Variants in B3GALT1 observed in about 807,000 individuals in gnomAD.
The protein encoded by B3GALT1 is UDP-Gal:betaGlcNAc beta 1,3-galactosyltransferase, polypeptide 1.
In B3GALT1, 10 loss-of-function variants were observed where a neutral mutation model predicts 23.2. The observed-to-expected ratio is 0.43, with a 90% CI of 0.27 to 0.73. The LOEUF is 0.73. B3GALT1 is among the 30% of genes least tolerant of loss of function. The pLI is 0.21. For missense variants in B3GALT1, 299 were observed against 405.4 expected, an observed-to-expected ratio of 0.74 and a Z score of 2.25; for synonymous variants, 156 against 141.5, an observed-to-expected ratio of 1.10 and a Z score of -0.73.
chr2:167,700,340 T>C (rs1285357606), intron 3 of B3GALT1, among the ~76,000 whole-genome samples: 3 of 152,244 alleles, frequency 2.0e-5, no homozygotes, highest in Non-Finnish European at 4.4e-5. Flanking sequence ...TTACCTTTTC[T>C]TGATCTGTTA....
At chr2:167,636,823 T>C (rs576061839) in intron 2 of B3GALT1, among the ~76,000 whole-genome samples, 1 of 151,782 alleles carries the variant, frequency 6.6e-6, no homozygotes, top group African/African-American at 2.4e-5. Flanking sequence ...CATCACACAC[T>C]GGGGCCTGTC....
chr2:167,339,969 A>G (rs983455695), intron 1 of B3GALT1, among the ~76,000 whole-genome samples: 1 of 152,180 alleles, frequency 6.6e-6, no homozygotes, highest in African/African-American at 2.4e-5. Flanking sequence ...GGCTGGAGAA[A>G]CAAAAATGGA....
intron 4 of B3GALT1, among the ~76,000 whole-genome samples, chr2:167,848,061 A>C (rs1351360390): frequency 6.6e-6 from 1 of 152,242 alleles, no homozygotes; most frequent in Non-Finnish European, 1.5e-5. Context: ...TACCCTGAAC[A>C]GAACAATAAC....
intron 1 of B3GALT1, among the ~76,000 whole-genome samples, chr2:167,445,337 T>G (rs1264620577): frequency 6.6e-6 from 1 of 152,254 alleles, no homozygotes; most frequent in Non-Finnish European, 1.5e-5. Context: ...GGTATGTATA[T>G]TCTGTTGATT....
chr2:167,440,086 G>A (rs532192211), intron 1 of B3GALT1, among the ~76,000 whole-genome samples: 3 of 152,144 alleles, frequency 2.0e-5, no homozygotes, highest in African/African-American at 7.2e-5. Flanking sequence ...GCTCACACCT[G>A]TAATCCCAGC....
intron 3 of B3GALT1, among the ~76,000 whole-genome samples, chr2:167,663,958 T>G (rs1240280130): frequency 6.6e-6 from 1 of 151,418 alleles, no homozygotes. Flanking sequence ...AGAAGCTCTT[T>G]AGTTTAATGA....
intron 1 of B3GALT1, among the ~76,000 whole-genome samples, chr2:167,373,522 C>T (rs926332132): frequency 6.6e-6 from 1 of 151,920 alleles, no homozygotes; most frequent in African/African-American, 2.4e-5. Context: ...TAAAGAATTC[C>T]TGTAAATTTC....
At chr2:167,669,070 CTT>C (rs541408103) in intron 3 of B3GALT1, among the ~76,000 whole-genome samples, 55 of 152,260 alleles carry the variant, frequency 3.6e-4, no homozygotes, top group African/African-American at 1.3e-3. Flanking sequence ...TTATCTTTCT[CTT>C]ATTTTTTCCG....
intron 3 of B3GALT1, among the ~76,000 whole-genome samples, chr2:167,664,683 T>G (rs189364708): frequency 4.9e-4 from 75 of 152,346 alleles, no homozygotes; most frequent in African/African-American, 1.7e-3. Flanking sequence ...TTCACATCCC[T>G]TGTAAGTTGG....
chr2:167,309,604 CAT>C (rs1181350261), intron 1 of B3GALT1, among the ~76,000 whole-genome samples: 1 of 152,006 alleles, frequency 6.6e-6, no homozygotes. Flanking sequence ...TGATTTAAAA[CAT>C]ATAGCATCTG....
intron 2 of B3GALT1, among the ~76,000 whole-genome samples, chr2:167,609,480 T>A (rs181793408): frequency 7.9e-5 from 12 of 152,182 alleles, no homozygotes; most frequent in Admixed American, 6.5e-4. Flanking sequence ...GTTCTACAAT[T>A]TTTCTCTCTT....
At chr2:167,441,549 C>T (rs184010165) in intron 1 of B3GALT1, among the ~76,000 whole-genome samples, 2 of 152,246 alleles carry the variant, frequency 1.3e-5, no homozygotes, top group East Asian at 1.9e-4. Flanking sequence ...ACATGATACT[C>T]GTGTTATCTT....
intron 4 of B3GALT1, among the ~76,000 whole-genome samples, chr2:167,858,293 C>G (rs1427130962): frequency 6.8e-6 from 1 of 146,412 alleles, no homozygotes; most frequent in Admixed American, 6.9e-5. Flanking sequence ...CTTATGAAAA[C>G]GGTCAACTGG....
chr2:167,588,034 G>A (rs1333044236), intron 2 of B3GALT1, among the ~76,000 whole-genome samples: 1 of 152,134 alleles, frequency 6.6e-6, no homozygotes, highest in Non-Finnish European at 1.5e-5. Flanking sequence ...AAATTGACTG[G>A]CACTGATGAA....
chr2:167,368,118 C>T (rs1307298905), intron 1 of B3GALT1, among the ~76,000 whole-genome samples: 7 of 152,146 alleles, frequency 4.6e-5, no homozygotes, highest in Admixed American at 3.9e-4. Context: ...ACACCTTCAT[C>T]TCAAGTAATC....
chr2:167,856,653 C>T (rs1170811157), intron 4 of B3GALT1, among the ~76,000 whole-genome samples: 2 of 152,146 alleles, frequency 1.3e-5, no homozygotes, highest in East Asian at 3.9e-4. Context: ...ACCAGGAAAG[C>T]TTGGACTGGG....
intron 1 of B3GALT1, among the ~76,000 whole-genome samples, chr2:167,400,218 A>C (rs1295399400): frequency 1.5e-5 from 2 of 130,616 alleles, no homozygotes; most frequent in Non-Finnish European, 3.5e-5. Context: ...GTGTGTTAGA[A>C]CAGGCCTTTC....
At chr2:167,548,471 C>T (rs2105378606) in intron 2 of B3GALT1, among the ~76,000 whole-genome samples, 1 of 152,266 alleles carries the variant, frequency 6.6e-6, no homozygotes, top group East Asian at 1.9e-4. Flanking sequence ...CTTGCCATTT[C>T]TAGGATGTCT....
chr2:167,693,750 T>A (rs977390311), intron 3 of B3GALT1, among the ~76,000 whole-genome samples: 2 of 152,132 alleles, frequency 1.3e-5, no homozygotes, highest in Non-Finnish European at 2.9e-5. Context: ...CTACTTGAAA[T>A]GGTCTCTTCC....
Sources: gnomAD v4.1 joint callset for allele counts (sites outside exome capture counted in the v4.1 genomes callset) on GRCh38, gnomAD v4.1.1 for gene constraint, MANE v1.5 for transcripts, NCBI Gene and HGNC (gene_info 2026-07-23, HGNC 2026-07-21) for gene names.